COL1A1: variants seen among roughly 807,000 people sequenced by gnomAD.
The protein encoded by COL1A1 is collagen type I alpha 1 chain.
COL1A1 carries 21 observed loss-of-function variants against 195.7 expected under a neutral mutation model. The observed-to-expected ratio is 0.11, with a 90% CI of 0.08 to 0.15. The LOEUF is 0.15. Ranked by LOEUF, COL1A1 falls within the 10% of genes least tolerant of loss-of-function variation. The pLI is 1.00. For missense variants in COL1A1, 1,365 were observed against 2,051.0 expected, an observed-to-expected ratio of 0.67 and a Z score of 6.46; for synonymous variants, 749 against 747.3, an observed-to-expected ratio of 1.00 and a Z score of -0.04.
Position 50,191,550 on chromosome 17 carries a change from C to A in COL1A1, c.2128-60G>T. On this transcript the variant is annotated intron_variant, in intron 31 of 50. Transcript: ENST00000225964. The stretch of plus-strand genomic sequence containing the variant: ...GGGGCCCCAAGAGTGGGTCACAGCC[C>A]TAAGCCCCGCTTGGTATCTCCCAGG... The A allele has an allele frequency of 2.7e-6, 4 of 1,471,296 alleles. No individual in the cohort carries two copies. In the Admixed American group the frequency reaches 6.8e-5, roughly 25 times the overall value. The allele number at this position is 1,471,296 out of a possible 1,614,324, so 91.1% of individuals were successfully genotyped here. A position where few individuals can be genotyped will look rare whatever the true frequency, so the allele number is the denominator to read the frequency against.
At position 50,189,039 on chromosome 17, in the gene COL1A1, G is replaced by T. The variant is rs760483451; in HGVS notation, c.2938-29C>A. The T allele has an allele frequency of 2.0e-5, 32 of 1,593,856 alleles. 1 individual carries two copies. The Admixed American group carries it at 5.2e-4, about 26-fold the overall frequency. On this transcript the variant is annotated intron_variant, in intron 40 of 50. Coordinates refer to ENST00000225964, the MANE Select transcript of COL1A1 (RefSeq NM_000088.4). This position sits in a 1 kb window ranked among gnomAD's most constrained non-coding sequence, Gnocchi z 5.5. The stretch of plus-strand genomic sequence containing the variant: ...AGGGAGAAGAAAGAGTCAGGCCAGA[G>T]ATAGGGTCTGGGAGGACCCTTGAGT...
rs556212417 is a variant in COL1A1, at chr17:50,184,684, C to G, written c.*818G>C. On this transcript the variant is annotated 3_prime_UTR_variant, in exon 51 of 51. Transcript: ENST00000225964. The stretch of plus-strand genomic sequence containing the variant: ...CATCCCCGCCCCCAGGCAGTTGCCC[C>G]GGTGACACATCAAGACAAGAACGAG... The G allele has an allele frequency of 5.2e-5, 12 of 232,012 alleles. No homozygotes were observed. The highest frequency in any genetic ancestry group is 6.6e-5 in the African/African-American group (3 of 45,158). 14.4% of individuals were successfully genotyped at this position (232,012 alleles called of 1,614,324 possible). A position where few individuals can be genotyped will look rare whatever the true frequency, so the allele number is the denominator to read the frequency against.
Position 50,188,181 on chromosome 17 carries a change from G to C in COL1A1, c.3208-32C>G. On this transcript the variant is annotated intron_variant, in intron 43 of 50. Transcript: ENST00000225964. The surrounding 1 kb of genome is among the most constrained non-coding windows in gnomAD (Gnocchi z 5.6). Reference sequence around the variant, plus strand: ...AGAGCAAGGAAAGCATGAGCTCTTGGCCAGGGAAGGCTGAGGCTGGGGCTG... The same window carrying C: ...AGAGCAAGGAAAGCATGAGCTCTTGCCCAGGGAAGGCTGAGGCTGGGGCTG... 3 of 1,530,166 alleles carry C rather than the reference G, an allele frequency of 2.0e-6. No homozygotes were observed. The South Asian group carries it at 3.7e-5, about 19-fold the overall frequency. 94.8% of individuals were successfully genotyped at this position (1,530,166 alleles called of 1,614,324 possible).
In COL1A1 at chr17:50,196,541, GAAT is replaced by G; in HGVS notation, c.859-16_859-14del. ...TGCCAGGCTCACCCTGTAGATCAGA[GAAT>G]AATGAGTGAGAAATTCATTCATGGT... is the stretch of plus-strand genomic sequence containing the variant. On this transcript the variant is annotated splice_polypyrimidine_tract_variant and intron_variant, in intron 12 of 50. Transcript: ENST00000225964. 1.9e-6 allele frequency: 3 copies of G among 1,614,206 alleles called. No individual in the cohort carries two copies. The highest frequency in any genetic ancestry group is 2.5e-6 in the Non-Finnish European group (3 of 1,180,040).
At chr17:50,197,905 G>C (rs747109753) in intron 8 of COL1A1, 44 bp downstream of exon 8, 2 of 1,604,884 alleles carry the variant, frequency 1.2e-6, no homozygotes, top group Non-Finnish European at 1.7e-6. Context: ...AGGAGAGTCT[G>C]TGTGTTTGTA....
chr17:50,201,353 G>C (rs1178769380), intron 1 of COL1A1, 58 bp downstream of exon 1: 3 of 1,531,716 alleles, frequency 2.0e-6, no homozygotes, highest in Non-Finnish European at 2.7e-6. Flanking sequence ...CGGCCCCCGG[G>C]ACCAAGCGCA....
Position 50,184,901 on chromosome 17 carries a change from A to G in COL1A1, c.*601T>C, listed in dbSNP as rs903172500. 2.6e-5 allele frequency: 6 copies of G among 228,508 alleles called. No individual in the cohort carries two copies. Among genetic ancestry groups the G allele is most frequent in the African/African-American group, 4.4e-5 (2 of 44,976 alleles). 14.2% of individuals were successfully genotyped at this position (228,508 alleles called of 1,614,324 possible). On this transcript the variant is annotated 3_prime_UTR_variant, in exon 51 of 51. Transcript: ENST00000225964. ...TGACCCCCTCAAAAACGAAGGGGAG[A>G]TGTTGCAAGAGCCATGGGAGCGCCA...
Position 50,192,839 on chromosome 17 carries a change from G to A in COL1A1, c.1833C>T (p.Gly611=), listed in dbSNP as rs771080064. Residue 611 remains glycine (G), a synonymous_variant, in exon 27 of 51, where the codon GGC becomes GGT. Transcript: ENST00000225964. Reference sequence around the variant, plus strand: ...CCTGAGCTCCAGCCTCTCCATCTTTGCCAGCAGGACCCTGCAGGGAGAGAG... The same window carrying A: ...CCTGAGCTCCAGCCTCTCCATCTTTACCAGCAGGACCCTGCAGGGAGAGAG... ...PGPPGAVGPA[G]KDGEAGAQGP... 16 of 1,614,038 alleles carry A rather than the reference G, an allele frequency of 9.9e-6. No individual in the cohort carries two copies. The highest frequency in any genetic ancestry group is 5.0e-5 in the Admixed American group (3 of 60,016).
chr17:50,184,658 C>G lies in COL1A1; in HGVS notation c.*844G>C, dbSNP rs1345979442. The stretch of plus-strand genomic sequence containing the variant: ...ATGGGGAGCCGCTTCCACCCTGCCC[C>G]CATCCCCGCCCCCAGGCAGTTGCCC... On this transcript the variant is annotated 3_prime_UTR_variant, in exon 51 of 51. Transcript: ENST00000225964. 4.3e-6 allele frequency: 1 copy of G among 232,158 alleles called. No homozygotes were observed. Among genetic ancestry groups the G allele is most frequent in the African/African-American group, 2.2e-5 (1 of 45,198 alleles). The allele number at this position is 232,158 out of a possible 1,614,324, so 14.4% of individuals were successfully genotyped here.
chr17:50,188,735 ATC>A lies in COL1A1; in HGVS notation c.3099+5_3099+6del. On this transcript the variant is annotated splice_donor_5th_base_variant and intron_variant, in intron 42 of 50. Coordinates refer to ENST00000225964, the MANE Select transcript of COL1A1 (RefSeq NM_000088.4). This position sits in a 1 kb window ranked among gnomAD's most constrained non-coding sequence, Gnocchi z 5.6. ...AAGGCTGTGGTCATGGAGTGTTGCC[ATC>A]TTACCTTGGCGCCAGGAGAACCGTC... The A allele has an allele frequency of 1.2e-6, 2 of 1,614,018 alleles. No individual in the cohort carries two copies. Among genetic ancestry groups the A allele is most frequent in the Non-Finnish European group, 1.7e-6 (2 of 1,179,946 alleles).
intron 45 of COL1A1, 133 bp downstream of exon 45, chr17:50,187,743 C>T (rs1243324576): frequency 2.0e-6 from 2 of 1,000,780 alleles, no homozygotes; most frequent in Non-Finnish European, 3.0e-6. Context: ...TTGGACATGC[C>T]CACAAATCTT....
Position 50,188,942 on chromosome 17 carries a change from G to C in COL1A1, c.3006C>G (p.Pro1002=). ...GERGPPGPMG[P]PGLAGPPGES... ...CACCAGGGGGTCCAGCCAATCCAGG[G>C]GGGCCCATGGGACCAGGGGGACCAC... Residue 1002 remains proline, a synonymous_variant, in exon 41 of 51, where the codon CCC becomes CCG. Transcript: ENST00000225964. This position sits in a 1 kb window ranked among gnomAD's most constrained non-coding sequence, Gnocchi z 5.6. 6.2e-7 allele frequency: 1 copy of C among 1,613,406 alleles called. No individual in the cohort carries two copies.
chr17:50,197,922 G>A (rs374149667), intron 8 of COL1A1, 27 bp downstream of exon 8: 73 of 1,612,278 alleles, frequency 4.5e-5, no homozygotes, highest in Non-Finnish European at 5.9e-5. Context: ...TGTAGAAGGA[G>A]TATGAATCTG....
intron 8 of COL1A1, 32 bp downstream of exon 8, chr17:50,197,914 TAGA>T (rs747442917): frequency 9.3e-6 from 15 of 1,610,670 alleles, no homozygotes; most frequent in Non-Finnish European, 1.1e-5. Context: ...TGTGTGTTTG[TAGA>T]AGGAGTATGA....
intron 2 of COL1A1, 66 bp from the exon 3 acceptor site, chr17:50,199,656 T>C: frequency 1.9e-6 from 3 of 1,612,122 alleles, no homozygotes; most frequent in Non-Finnish European, 2.5e-6. Flanking sequence ...GGCAGAGGCC[T>C]CCAGCACGGA....
rs764134427 is a variant in COL1A1 at position 50,188,135 on chromosome 17, G to A, written c.3222C>T (p.Pro1074=). ...CGCCAACAGGGCCGACAGGACCGGC[G>A]GGACCAGCAGGACCCTGGGGAGAGC... ...GDRGETGPAG[P]AGPVGPVGAR... Residue 1074 remains proline (P), a synonymous_variant, in exon 44 of 51, where the codon CCC becomes CCT. Coordinates refer to ENST00000225964, the MANE Select transcript of COL1A1 (RefSeq NM_000088.4). This position sits in a 1 kb window ranked among gnomAD's most constrained non-coding sequence, Gnocchi z 5.6. 58 of 1,564,604 alleles carry A rather than the reference G, an allele frequency of 3.7e-5. No homozygotes were observed. The highest frequency in any genetic ancestry group is 5.7e-5 in the Admixed American group (3 of 52,452).
At chr17:50,200,296 C>A (rs1402617055) in intron 1 of COL1A1, 5 of 379,086 alleles carry the variant, frequency 1.3e-5, no homozygotes, top group Non-Finnish European at 2.0e-5. Flanking sequence ...GGGGCCCCAT[C>A]GGGAGGGCAG....
Position 50,188,238 on chromosome 17 carries a change from C to G in COL1A1, c.3208-89G>C. The stretch of plus-strand genomic sequence containing the variant: ...GAGGCCTCCCCTCTGCTGGATCTCT[C>G]TCTCCTCAGCTGCTTCCCACTGTGG... On this transcript the variant is annotated intron_variant, in intron 43 of 50. Coordinates refer to ENST00000225964, the MANE Select transcript of COL1A1 (RefSeq NM_000088.4). This position sits in a 1 kb window ranked among gnomAD's most constrained non-coding sequence, Gnocchi z 5.6. 2 of 1,238,080 alleles carry G rather than the reference C, an allele frequency of 1.6e-6. No individual in the cohort carries two copies. Among genetic ancestry groups the G allele is most frequent in the Non-Finnish European group, 2.2e-6 (2 of 897,714 alleles). 76.7% of individuals were successfully genotyped at this position (1,238,080 alleles called of 1,614,324 possible).
intron 5 of COL1A1, 66 bp from the exon 6 acceptor site, chr17:50,198,570 T>C: frequency 8.0e-7 from 1 of 1,249,214 alleles, no homozygotes; most frequent in Non-Finnish European, 1.2e-6. Flanking sequence ...GCACTGAGGA[T>C]GGAAGAAACT....
Sources: gnomAD v4.1 joint callset for allele counts on GRCh38, gnomAD v4.1.1 for gene constraint, Gnocchi (gnomAD v3.1) non-coding constraint, MANE v1.5 for transcripts, NCBI Gene and HGNC (gene_info 2026-07-23, HGNC 2026-07-21) for gene names.